Variants in CTNND2 observed in about 807,000 individuals in gnomAD.
CTNND2 encodes catenin delta 2, also known as catenin delta-2.
Under a neutral mutation model 144.4 loss-of-function variants are expected in CTNND2, and 22 were observed. The observed-to-expected ratio is 0.15, with a 90% CI of 0.11 to 0.22. The LOEUF (loss-of-function observed/expected upper bound fraction) is 0.22, where lower values mean the gene tolerates loss of function less well. Among genes scored for constraint, CTNND2 ranks in the 10% least tolerant of loss-of-function variants. The pLI is 1.00. For synonymous variants in CTNND2, 751 were observed against 695.6 expected, an observed-to-expected ratio of 1.08 and a Z score of -1.25; for missense variants, 1,353 against 1,618.8, an observed-to-expected ratio of 0.84 and a Z score of 2.82.
At chr5:11,071,842 T>A (rs527534862) in intron 16 of CTNND2, among the ~76,000 whole-genome samples, 2 of 152,240 alleles carry the variant, frequency 1.3e-5, no homozygotes, top group South Asian at 4.1e-4. Flanking sequence ...AAAGTATCAA[T>A]AAGATATCAC....
chr5:11,804,547 A>G (rs1307536483), intron 1 of CTNND2, among the ~76,000 whole-genome samples: 1 of 152,248 alleles, frequency 6.6e-6, no homozygotes, highest in African/African-American at 2.4e-5. Flanking sequence ...TCAAGCCATG[A>G]AAAGACATGG....
At chr5:11,185,903 C>T (rs997349153) in intron 11 of CTNND2, among the ~76,000 whole-genome samples, 1 of 152,208 alleles carries the variant, frequency 6.6e-6, no homozygotes, top group Non-Finnish European at 1.5e-5. Flanking sequence ...ATAGAGCAAA[C>T]TCTCAAATAT....
At chr5:11,003,729 C>T (rs918272538) in intron 18 of CTNND2, among the ~76,000 whole-genome samples, 1 of 152,182 alleles carries the variant, frequency 6.6e-6, no homozygotes, top group Non-Finnish European at 1.5e-5. Flanking sequence ...ATTCCATCAA[C>T]AATTCCAAGA....
At chr5:11,361,236 G>A (rs185601049) in intron 8 of CTNND2, among the ~76,000 whole-genome samples, 2 of 152,246 alleles carry the variant, frequency 1.3e-5, no homozygotes, top group Non-Finnish European at 2.9e-5. Flanking sequence ...GGCCAAGCTG[G>A]TCTCAAACTC....
At position 11,757,173 on chromosome 5, in the gene CTNND2, C is replaced by T. The variant is rs1209024043; in HGVS notation, c.38-24901G>A. Among the ~76,000 whole-genome samples the T allele has an allele frequency of 1.1e-4, 16 of 151,082 alleles. No homozygotes were observed. The South Asian group carries it at 2.9e-3, about 28-fold the overall frequency. ...TACATACATGCACATACACACAAAT[C>T]GATATACACACATATACACACACAC... On this transcript the variant is annotated intron_variant, in intron 1 of 21. Coordinates refer to ENST00000304623, the MANE Select transcript of CTNND2 (RefSeq NM_001332.4).
At chr5:11,752,564 A>T (rs1483504911) in intron 1 of CTNND2, among the ~76,000 whole-genome samples, 5 of 145,708 alleles carry the variant, frequency 3.4e-5, no homozygotes, top group African/African-American at 7.6e-5. Flanking sequence ...TTCTTTTTCC[A>T]CTAACATGCT....
intron 2 of CTNND2, among the ~76,000 whole-genome samples, chr5:11,577,060 T>C (rs1421545316): frequency 6.6e-6 from 1 of 152,214 alleles, no homozygotes; most frequent in Non-Finnish European, 1.5e-5. Flanking sequence ...CAGGGGTGTA[T>C]TGAGTCTTTC....
intron 2 of CTNND2, among the ~76,000 whole-genome samples, chr5:11,684,432 T>C (rs1784554992): frequency 6.6e-6 from 1 of 152,138 alleles, no homozygotes; most frequent in Admixed American, 6.5e-5. Context: ...AGAGAAATAG[T>C]GTAAATATTT....
At chr5:11,142,287 G>T (rs1756810437) in intron 12 of CTNND2, among the ~76,000 whole-genome samples, 1 of 152,200 alleles carries the variant, frequency 6.6e-6, no homozygotes, top group Non-Finnish European at 1.5e-5. Flanking sequence ...AAAATTAAAA[G>T]CCAGCAAGAG....
chr5:11,196,050 G>A (rs1448980391), intron 11 of CTNND2, among the ~76,000 whole-genome samples: 1 of 152,106 alleles, frequency 6.6e-6, no homozygotes, highest in Non-Finnish European at 1.5e-5. Context: ...ATGTTTATGC[G>A]CTGAATGTAA....
intron 1 of CTNND2, among the ~76,000 whole-genome samples, chr5:11,830,098 A>G (rs1793815260): frequency 6.6e-6 from 1 of 152,194 alleles, no homozygotes; most frequent in Non-Finnish European, 1.5e-5. Context: ...TATTTACCCA[A>G]TGCCTGTACC....
chr5:11,300,847 G>A (rs1311921677), intron 9 of CTNND2, among the ~76,000 whole-genome samples: 4 of 152,130 alleles, frequency 2.6e-5, no homozygotes, highest in Non-Finnish European at 5.9e-5. Flanking sequence ...TTTGGAAACA[G>A]GAAGTAGAAA....
chr5:11,684,972 C>A (rs1472544677), intron 2 of CTNND2, among the ~76,000 whole-genome samples: 1 of 152,156 alleles, frequency 6.6e-6, no homozygotes, highest in Non-Finnish European at 1.5e-5. Flanking sequence ...ATATAGTAAT[C>A]ATTGCCGTGA....
chr5:11,448,414 C>G (rs1765018113), intron 3 of CTNND2, among the ~76,000 whole-genome samples: 1 of 151,990 alleles, frequency 6.6e-6, no homozygotes, highest in African/African-American at 2.4e-5. Flanking sequence ...TACCCACAAG[C>G]CAAGAAAAAA....
intron 2 of CTNND2, among the ~76,000 whole-genome samples, chr5:11,697,599 T>C (rs994987727): frequency 7.9e-5 from 12 of 152,164 alleles, no homozygotes; most frequent in Admixed American, 6.5e-4. Flanking sequence ...CCCCGCCTTA[T>C]GAGGTGATAT....
intron 10 of CTNND2, among the ~76,000 whole-genome samples, chr5:11,229,740 A>G (rs1284757118): frequency 2.6e-5 from 4 of 151,726 alleles, no homozygotes; most frequent in Non-Finnish European, 5.9e-5. Flanking sequence ...ATATACACAC[A>G]TATATACATA....
intron 11 of CTNND2, among the ~76,000 whole-genome samples, chr5:11,187,626 G>T (rs973106602): frequency 1.3e-5 from 2 of 152,176 alleles, no homozygotes; most frequent in Non-Finnish European, 2.9e-5. Context: ...AAGCTAAAGA[G>T]CTTCTGCACA....
intron 9 of CTNND2, among the ~76,000 whole-genome samples, chr5:11,324,309 A>G (rs1038975097): frequency 6.6e-6 from 1 of 152,196 alleles, no homozygotes; most frequent in Admixed American, 6.5e-5. Context: ...AATCTTCCCC[A>G]TCAGATTGAA....
At chr5:11,436,026 C>T (rs781554448) in intron 3 of CTNND2, among the ~76,000 whole-genome samples, 7 of 151,836 alleles carry the variant, frequency 4.6e-5, no homozygotes, top group African/African-American at 1.7e-4. Context: ...AGAAAGACGA[C>T]GGCAGGGCAG....
Sources: allele counts gnomAD v4.1 joint callset (sites outside exome capture counted in the v4.1 genomes callset), GRCh38; gene constraint gnomAD v4.1.1; transcripts MANE v1.5; gene names NCBI Gene and HGNC (gene_info 2026-07-23, HGNC 2026-07-21).